Variants in MMD2 observed in about 807,000 individuals in gnomAD.
MMD2 encodes the protein monocyte to macrophage differentiation associated 2.
In MMD2, 30 loss-of-function variants were observed where a neutral mutation model predicts 33.5. The observed-to-expected ratio is 0.90, with a 90% CI of 0.67 to 1.22. The LOEUF (loss-of-function observed/expected upper bound fraction) is 1.22. Ranked by LOEUF, MMD2 falls within the 50% of genes most tolerant of loss-of-function variation. The pLI is 0.00. For synonymous variants in MMD2, 129 were observed against 123.0 expected (o/e 1.05, Z -0.32); for missense variants, 364 against 325.4 (o/e 1.12, Z -0.91).
chr7:4,949,374 G>A (rs7778914), intron 1 of MMD2, among the ~76,000 whole-genome samples: 141,677 of 152,038 alleles, frequency 0.93, 66,114 homozygotes, highest in East Asian at 1. Flanking sequence ...TCTACTCTCT[G>A]TGTCCAAGAG....
chr7:4,907,644 A>G, intron 6 of MMD2, 45 bp from the exon 7 acceptor site: 4 of 1,599,370 alleles, frequency 2.5e-6, no homozygotes, highest in Middle Eastern at 2.3e-4. Context: ...AGGGGCAGTC[A>G]GTGTGGCTGA....
Position 4,925,498 on chromosome 7 carries a change from A to G in MMD2, c.82T>C (p.Tyr28His). 6.4e-7 allele frequency: 1 copy of G among 1,572,478 alleles called. No individual in the cohort carries two copies. The highest frequency in any genetic ancestry group is 8.6e-7 in the Non-Finnish European group (1 of 1,157,626). ...MNHRVPAHKR[Y>H]QPTEYEHAAN... ...GCATGTTCATACTCTGTGGGCTGGT[A>G]CCTCTTGTGGGCAGGGACTCGGTGG... is the stretch of plus-strand genomic sequence containing the variant. The change falls in exon 2 of 7, where the codon TAC becomes CAC. Residue 28 changes from tyrosine to histidine, a missense_variant. Physicochemically the swap from Tyr to His is moderately conservative, Grantham distance 83. Coordinates refer to ENST00000401401, the MANE Select transcript of MMD2 (RefSeq NM_198403.4).
At chr7:4,912,798 C>T (rs1380786530) in intron 4 of MMD2, among the ~76,000 whole-genome samples, 3 of 151,940 alleles carry the variant, frequency 2.0e-5, no homozygotes, top group African/African-American at 7.2e-5. Flanking sequence ...CTTCGCCTCC[C>T]GGGTTCAAGT....
rs377627382 is a variant in MMD2 at position 4,946,089 on chromosome 7, G to A, written c.47+12882C>T. 1.5e-4 allele frequency among the ~76,000 whole-genome samples: 22 copies of A among 150,166 alleles called. 1 individual carries two copies. In the East Asian group the frequency reaches 2.5e-3, roughly 17 times the overall value. On this transcript the variant is annotated intron_variant, in intron 1 of 6. Transcript: ENST00000401401. This position sits in a 1 kb window ranked among gnomAD's most constrained non-coding sequence, Gnocchi z 5.0. Reference sequence around the variant, plus strand: ...CACACTCACACGCACGCACACGCACGCACACACACGCATGCACACGCGCAC... The same window carrying A: ...CACACTCACACGCACGCACACGCACACACACACACGCATGCACACGCGCAC...
At chr7:4,899,773 G>A in the MMD2 span, among the ~76,000 whole-genome samples, 25 of 152,230 alleles carry the variant, frequency 1.6e-4, no homozygotes, top group East Asian at 4.1e-3. Context: ...AACAGAAGAC[G>A]GCTGACCTCT....
chr7:4,927,448 G>A (rs926168752), intron 1 of MMD2, among the ~76,000 whole-genome samples: 2 of 152,230 alleles, frequency 1.3e-5, no homozygotes, highest in East Asian at 3.9e-4. Context: ...GGGAGGCTGA[G>A]GCAGAAGAAT....
At chr7:4,911,621 C>T (rs1196546293) in intron 4 of MMD2, among the ~76,000 whole-genome samples, 2 of 131,236 alleles carry the variant, frequency 1.5e-5, no homozygotes, top group Non-Finnish European at 1.6e-5. Flanking sequence ...TATTTTATTT[C>T]ATTTATTTTA....
Position 4,929,226 on chromosome 7 carries a change from G to C in MMD2, c.48-3694C>G, listed in dbSNP as rs552970714. Among the ~76,000 whole-genome samples the C allele has an allele frequency of 6.2e-4, 94 of 152,150 alleles. 3 individuals carry two copies. In the South Asian group the frequency reaches 0.017, roughly 28 times the overall value. ...GTCAGTCAAGTGACTTCAACACCAG[G>C]GTCACACCGAGCCCATTCGACAGAT... On this transcript the variant is annotated intron_variant, in intron 1 of 6. Transcript: ENST00000401401.
intron 6 of MMD2, among the ~76,000 whole-genome samples, chr7:4,909,001 G>A (rs1252307106): frequency 6.6e-6 from 1 of 151,960 alleles, no homozygotes; most frequent in African/African-American, 2.4e-5. Context: ...ATGTGAGTGT[G>A]CTTACTACCA....
rs1322425965 is a variant in MMD2, at chr7:4,907,496, A to T, written c.641T>A (p.Ile214Asn). ...SDGRIPFAHA[I>N]WHLFVAFGAG... ...ACCAAATGCTACAAAGAGATGCCAG[A>T]TGGCGTGGGCAAAGGGGATCCTCCC... The change falls in exon 7 of 7, where the codon ATC becomes AAC. Residue 214 changes from isoleucine to asparagine, a missense_variant. Ile to Asn is a moderately radical substitution (Grantham distance 149). Coordinates refer to ENST00000401401, the MANE Select transcript of MMD2 (RefSeq NM_198403.4). 6.8e-6 allele frequency: 11 copies of T among 1,613,976 alleles called. No homozygotes were observed. The highest frequency in any genetic ancestry group is 2.2e-5 in the East Asian group (1 of 44,888).
chr7:4,941,351 C>G (rs905383946), intron 1 of MMD2, among the ~76,000 whole-genome samples: 9 of 152,318 alleles, frequency 5.9e-5, no homozygotes, highest in African/African-American at 1.9e-4. Flanking sequence ...CACTTCTGAC[C>G]GGGCGCGGTG....
chr7:4,956,502 C>T (rs1423241231), intron 1 of MMD2, among the ~76,000 whole-genome samples: 1 of 151,932 alleles, frequency 6.6e-6, no homozygotes, highest in Non-Finnish European at 1.5e-5. Flanking sequence ...GTAAAGACTG[C>T]ACAACGAGGA....
chr7:4,904,163 C>T (rs557103159), downstream of MMD2, among the ~76,000 whole-genome samples: 7 of 152,258 alleles, frequency 4.6e-5, no homozygotes, highest in South Asian at 1.2e-3. Context: ...GAACTCCTGA[C>T]CTCAGGTGAT....
chr7:4,912,329 CG>C (rs1256941071), intron 4 of MMD2, among the ~76,000 whole-genome samples: 1 of 151,600 alleles, frequency 6.6e-6, no homozygotes, highest in East Asian at 2.0e-4. Context: ...GAGGCTGAGG[CG>C]GGCAGATCAC....
Position 4,909,598 on chromosome 7 carries a change from T to G in MMD2, c.537+283A>C, listed in dbSNP as rs535924706. On this transcript the variant is annotated intron_variant, in intron 6 of 6. Coordinates refer to ENST00000401401, the MANE Select transcript of MMD2 (RefSeq NM_198403.4). ...GCTGAGACTATAGGTGTGCACCACA[T>G]CTGGCTAATTTTTTTTTTTTTAGAG... 1.4e-5 allele frequency: 9 copies of G among 626,798 alleles called. No homozygotes were observed. In the African/African-American group the frequency reaches 1.5e-4, roughly 10 times the overall value. The allele number at this position is 626,798 out of a possible 1,614,324, so 38.8% of individuals were successfully genotyped here.
At chr7:4,909,141 G>C (rs1227012413) in intron 6 of MMD2, among the ~76,000 whole-genome samples, 1 of 152,056 alleles carries the variant, frequency 6.6e-6, no homozygotes, top group Non-Finnish European at 1.5e-5. Context: ...TAAGAAAAAA[G>C]TAGTAGTCCT....
chr7:4,952,565 C>T (rs984159931), intron 1 of MMD2, among the ~76,000 whole-genome samples: 4 of 152,160 alleles, frequency 2.6e-5, no homozygotes, highest in African/African-American at 9.6e-5. Context: ...CCACTCTGCA[C>T]GCATTTCCTC....
chr7:4,893,396 A>ATTTAT, the MMD2 span, among the ~76,000 whole-genome samples: 1 of 149,844 alleles, frequency 6.7e-6, no homozygotes, highest in African/African-American at 2.5e-5. Context: ...TTATTTATTT[A>ATTTAT]TTTATTTATT....
At chr7:4,942,419 T>C (rs1366630567) in intron 1 of MMD2, among the ~76,000 whole-genome samples, 1 of 151,478 alleles carries the variant, frequency 6.6e-6, no homozygotes, top group African/African-American at 2.4e-5. Context: ...ATTTCTATTT[T>C]TTTTTTAATT....
Sources: allele counts gnomAD v4.1 joint callset (sites outside exome capture counted in the v4.1 genomes callset), GRCh38; gene constraint gnomAD v4.1.1; non-coding constraint Gnocchi (gnomAD v3.1); transcripts MANE v1.5; gene names NCBI Gene and HGNC (gene_info 2026-07-23, HGNC 2026-07-21).